DLG2: variants seen among roughly 807,000 people sequenced by gnomAD.
The protein encoded by DLG2 is disks large homolog 2.
DLG2 carries 45 observed loss-of-function variants against 132.5 expected under a neutral mutation model. That is an observed-to-expected ratio of 0.34 (90% confidence interval 0.27 to 0.44). The LOEUF (loss-of-function observed/expected upper bound fraction) is 0.44. Among genes scored for constraint, DLG2 ranks in the 20% least tolerant of loss-of-function variants. The probability of loss-of-function intolerance (pLI) is 1.00; values close to 1 mark genes in which losing one functional copy is unlikely to be tolerated. For missense variants in DLG2, 1,045 were observed against 1,196.9 expected, an observed-to-expected ratio of 0.87 and a Z score of 1.87; for synonymous variants, 424 against 419.6, an observed-to-expected ratio of 1.01 and a Z score of -0.13.
At chr11:84,164,155 A>G (rs1463836350) in intron 8 of DLG2, among the ~76,000 whole-genome samples, 1 of 152,162 alleles carries the variant, frequency 6.6e-6, no homozygotes. Flanking sequence ...CAACCATCCA[A>G]CCAATCCTTG....
chr11:84,712,882 T>C (rs1488234589), intron 6 of DLG2, among the ~76,000 whole-genome samples: 3 of 152,124 alleles, frequency 2.0e-5, no homozygotes, highest in African/African-American at 2.4e-5. Context: ...AAGAATAACA[T>C]TGAGTTCGAA....
chr11:83,799,990 T>C (rs2043918738), intron 17 of DLG2, among the ~76,000 whole-genome samples: 1 of 152,156 alleles, frequency 6.6e-6, no homozygotes, highest in Admixed American at 6.5e-5. Flanking sequence ...GATTAGTTAA[T>C]ACATGTAAAG....
intron 3 of DLG2, among the ~76,000 whole-genome samples, chr11:85,366,131 A>C (rs1054444067): frequency 6.6e-6 from 1 of 152,154 alleles, no homozygotes; most frequent in African/African-American, 2.4e-5. Flanking sequence ...GACATTACCA[A>C]AATGTAATTG....
chr11:84,499,764 C>G (rs1274006835), intron 7 of DLG2, among the ~76,000 whole-genome samples: 1 of 152,118 alleles, frequency 6.6e-6, no homozygotes, highest in Non-Finnish European at 1.5e-5. Context: ...CTCTCTCTCT[C>G]TCTCACATGC....
intron 3 of DLG2, among the ~76,000 whole-genome samples, chr11:85,395,708 C>T (rs1346745406): frequency 1.6e-5 from 2 of 123,284 alleles, no homozygotes; most frequent in Non-Finnish European, 3.7e-5. Flanking sequence ...GGGGGAGGGG[C>T]GTCTGCCATT....
intron 18 of DLG2, among the ~76,000 whole-genome samples, chr11:83,700,792 A>AT (rs887161666): frequency 3.0e-4 from 46 of 151,988 alleles, no homozygotes; most frequent in East Asian, 1.2e-3. Context: ...GATAATCTAC[A>AT]TTTTTTTTGC....
chr11:84,302,124 C>T (rs1028118950), intron 7 of DLG2, among the ~76,000 whole-genome samples: 1 of 152,134 alleles, frequency 6.6e-6, no homozygotes, highest in African/African-American at 2.4e-5. Context: ...CACATGTTCT[C>T]ACTCATAAGT....
chr11:85,305,715 A>G (rs898805505), intron 3 of DLG2, among the ~76,000 whole-genome samples: 1 of 152,062 alleles, frequency 6.6e-6, no homozygotes. Context: ...GGGTTTCACC[A>G]TGTTAGCCAG....
chr11:85,223,099 CTTTG>C lies in DLG2; in HGVS notation c.186+62117_186+62120del, dbSNP rs1189246919. On this transcript the variant is annotated intron_variant, in intron 4 of 27. Coordinates refer to ENST00000376104, the MANE Select transcript of DLG2 (RefSeq NM_001142699.3). ...AGCAAATCAAATGCCAAGAAAGAAA[CTTTG>C]TTTGTTACTAATTTTAATAACAAAT... Among the ~76,000 whole-genome samples, 4 of 152,234 alleles carry C rather than the reference CTTTG, an allele frequency of 2.6e-5. No homozygotes were observed. The South Asian group carries it at 8.3e-4, about 32-fold the overall frequency.
chr11:84,722,264 T>G (rs988082986), intron 6 of DLG2, among the ~76,000 whole-genome samples: 1 of 152,128 alleles, frequency 6.6e-6, no homozygotes, highest in African/African-American at 2.4e-5. Flanking sequence ...AGGAACAACA[T>G]AGTCAAAAGT....
In DLG2 at chr11:84,243,439, T is replaced by A. The variant is rs367572998; in HGVS notation, c.573+7799A>T. Reference sequence around the variant, plus strand: ...CTTATAGATGTGTATATGTTTAAAGTAAAAGAGTTAGAAAATGGTAGCTAT... The same window carrying A: ...CTTATAGATGTGTATATGTTTAAAGAAAAAGAGTTAGAAAATGGTAGCTAT... On this transcript the variant is annotated intron_variant, in intron 8 of 27. Transcript: ENST00000376104. 2.0e-4 allele frequency among the ~76,000 whole-genome samples: 31 copies of A among 152,274 alleles called. No homozygotes were observed. In the East Asian group the frequency reaches 3.1e-3, roughly 15 times the overall value.
At chr11:84,386,408 C>T (rs1168075118) in intron 7 of DLG2, among the ~76,000 whole-genome samples, 1 of 152,000 alleles carries the variant, frequency 6.6e-6, no homozygotes, top group Non-Finnish European at 1.5e-5. Flanking sequence ...AAAAATCTCT[C>T]TCTTATTTCA....
chr11:84,354,895 A>T (rs1054630160), intron 7 of DLG2, among the ~76,000 whole-genome samples: 1 of 152,314 alleles, frequency 6.6e-6, no homozygotes, highest in East Asian at 1.9e-4. Context: ...AAAGATGGAG[A>T]AGTTTCCCAA....
chr11:84,135,489 A>C (rs559794150), intron 9 of DLG2, among the ~76,000 whole-genome samples: 1 of 152,238 alleles, frequency 6.6e-6, no homozygotes, highest in South Asian at 2.1e-4. Flanking sequence ...AGGGGAAAGA[A>C]GTCCAAGAGT....
At chr11:84,114,385 G>C (rs2093523483) in intron 9 of DLG2, among the ~76,000 whole-genome samples, 2 of 152,142 alleles carry the variant, frequency 1.3e-5, no homozygotes, top group Admixed American at 1.3e-4. Context: ...AAGGGCTCTA[G>C]GTAGTATTAG....
At chr11:83,511,717 A>C (rs1168267176) in intron 21 of DLG2, among the ~76,000 whole-genome samples, 1 of 148,832 alleles carries the variant, frequency 6.7e-6, no homozygotes, top group African/African-American at 2.5e-5. Flanking sequence ...GGAATGTAAA[A>C]GAAGCAAACT....
At chr11:83,488,391 C>A (rs2093649701) in intron 21 of DLG2, among the ~76,000 whole-genome samples, 2 of 152,006 alleles carry the variant, frequency 1.3e-5, no homozygotes, top group South Asian at 4.2e-4. Context: ...CATGAAATTG[C>A]CCAGCCTGAC....
chr11:83,878,670 C>G (rs919850296), intron 15 of DLG2, among the ~76,000 whole-genome samples: 1 of 152,118 alleles, frequency 6.6e-6, no homozygotes, highest in African/African-American at 2.4e-5. Context: ...CTGTCCCACC[C>G]ACACCACCTC....
chr11:85,005,134 G>A (rs985152058), intron 6 of DLG2, among the ~76,000 whole-genome samples: 2 of 152,114 alleles, frequency 1.3e-5, no homozygotes, highest in Admixed American at 6.5e-5. Flanking sequence ...CTGTAGCCTT[G>A]TAGTATAGTT....
Sources: gnomAD v4.1 joint callset for allele counts (sites outside exome capture counted in the v4.1 genomes callset) on GRCh38, gnomAD v4.1.1 for gene constraint, MANE v1.5 for transcripts, NCBI Gene and HGNC (gene_info 2026-07-23, HGNC 2026-07-21) for gene names.